JMY: variants seen among roughly 807,000 people sequenced by gnomAD.
JMY encodes junction mediating and regulatory protein, p53 cofactor, also known as junction-mediating and -regulatory protein.
JMY carries 46 observed loss-of-function variants against 103.3 expected under a neutral mutation model. The observed-to-expected ratio is 0.45, with a 90% CI of 0.35 to 0.57. JMY has a LOEUF of 0.57. Among genes scored for constraint, JMY ranks in the 20% least tolerant of loss-of-function variants. JMY has a pLI of 0.00. For missense variants in JMY, 1,238 were observed against 1,255.2 expected (o/e 0.99, Z 0.21); for synonymous variants, 526 against 489.3 (o/e 1.07, Z -0.99).
chr5:79,263,447 G>A (rs1372031011), intron 1 of JMY, among the ~76,000 whole-genome samples: 1 of 151,996 alleles, frequency 6.6e-6, no homozygotes, highest in Non-Finnish European at 1.5e-5. Flanking sequence ...AGGCTAGTGT[G>A]CAGTAGCGTG....
chr5:79,244,216 G>C (rs564340410), intron 1 of JMY, among the ~76,000 whole-genome samples: 1 of 152,078 alleles, frequency 6.6e-6, no homozygotes, highest in Non-Finnish European at 1.5e-5. Flanking sequence ...GGCCAGGCTG[G>C]TCTCGAACTC....
intron 2 of JMY, chr5:79,284,833 T>G: frequency 6.3e-7 from 1 of 1,575,264 alleles, no homozygotes; most frequent in Non-Finnish European, 8.6e-7. Flanking sequence ...ATCATACCAA[T>G]CTTTCTTAGA....
intron 1 of JMY, among the ~76,000 whole-genome samples, chr5:79,275,514 G>T (rs746467871): frequency 6.6e-6 from 1 of 152,072 alleles, no homozygotes; most frequent in Non-Finnish European, 1.5e-5. Flanking sequence ...ATCCACTGGG[G>T]CACACCCTCA....
At chr5:79,261,697 A>G (rs754113943) in intron 1 of JMY, among the ~76,000 whole-genome samples, 2 of 152,196 alleles carry the variant, frequency 1.3e-5, no homozygotes, top group Non-Finnish European at 2.9e-5. Context: ...AATTATCTTC[A>G]GAGAAAGGCG....
At chr5:79,254,629 T>C (rs1433796592) in intron 1 of JMY, among the ~76,000 whole-genome samples, 1 of 152,170 alleles carries the variant, frequency 6.6e-6, no homozygotes, top group Non-Finnish European at 1.5e-5. Context: ...TTGTAGTCTT[T>C]AGTTAAGTCT....
rs1365522166 is a variant in JMY, at chr5:79,236,437, G to T, written c.-214G>T. On this transcript the variant is annotated 5_prime_UTR_variant, in exon 1 of 11. Transcript: ENST00000396137. Reference sequence around the variant, plus strand: ...TGACCATGTGAACTACCTGCTCCCGGGACGCTTATTGTCCTTCTCTCGATC... The same window carrying T: ...TGACCATGTGAACTACCTGCTCCCGTGACGCTTATTGTCCTTCTCTCGATC... 5.1e-6 allele frequency: 2 copies of T among 392,660 alleles called. No individual in the cohort carries two copies. Among genetic ancestry groups the T allele is most frequent in the Non-Finnish European group, 8.9e-6 (2 of 224,096 alleles). The allele number at this position is 392,660 out of a possible 1,614,324, so 24.3% of individuals were successfully genotyped here. A position where few individuals can be genotyped will look rare whatever the true frequency, so the allele number is the denominator to read the frequency against.
intron 2 of JMY, among the ~76,000 whole-genome samples, chr5:79,279,983 A>G (rs1160815534): frequency 5.3e-5 from 8 of 152,144 alleles, no homozygotes; most frequent in Non-Finnish European, 8.8e-5. Context: ...AGCTGGGACT[A>G]TGGGCGCATG....
Position 79,325,962 on chromosome 5 carries a change from C to G in JMY, c.*4360C>G, listed in dbSNP as rs572158815. ...GATGTGTTTATTGTAAAGTTTTCTA[C>G]GTTTTGCCCACAGTAAATGTACAAC... On this transcript the variant is annotated 3_prime_UTR_variant, in exon 11 of 11. Transcript: ENST00000396137. The G allele has an allele frequency of 2.6e-5, 4 of 152,186 alleles. No individual in the cohort carries two copies. The highest frequency in any genetic ancestry group is 5.9e-5 in the Non-Finnish European group (4 of 67,972). 9.4% of individuals were successfully genotyped at this position (152,186 alleles called of 1,614,324 possible).
At chr5:79,318,258 A>G (rs943292306) in intron 10 of JMY, among the ~76,000 whole-genome samples, 4 of 150,444 alleles carry the variant, frequency 2.7e-5, no homozygotes, top group African/African-American at 7.3e-5. Flanking sequence ...CAAATGATCT[A>G]CCCACCTCAG....
At chr5:79,275,290 A>G (rs1294013995) in intron 1 of JMY, among the ~76,000 whole-genome samples, 1 of 151,806 alleles carries the variant, frequency 6.6e-6, no homozygotes, top group Non-Finnish European at 1.5e-5. Flanking sequence ...CCTCCCGAGC[A>G]GCTGGGACTA....
chr5:79,282,220 A>G (rs1368785099), intron 2 of JMY, among the ~76,000 whole-genome samples: 3 of 152,180 alleles, frequency 2.0e-5, no homozygotes, highest in African/African-American at 7.2e-5. Flanking sequence ...AAATAAAAAA[A>G]AAATAAGAAA....
At chr5:79,280,559 A>C (rs1456642247) in intron 2 of JMY, among the ~76,000 whole-genome samples, 4 of 152,132 alleles carry the variant, frequency 2.6e-5, no homozygotes, top group Non-Finnish European at 5.9e-5. Context: ...AATCATGACT[A>C]TTCTTTTATT....
chr5:79,252,028 G>A (rs763511369), intron 1 of JMY, among the ~76,000 whole-genome samples: 2 of 151,682 alleles, frequency 1.3e-5, no homozygotes, highest in African/African-American at 2.4e-5. Context: ...TGCCTGCCTC[G>A]GCCTCTCAAA....
intron 1 of JMY, among the ~76,000 whole-genome samples, chr5:79,241,153 AAGTT>A (rs1164548997): frequency 3.9e-5 from 6 of 152,142 alleles, no homozygotes; most frequent in Admixed American, 3.9e-4. Context: ...AATGGTTAGT[AAGTT>A]GTTGAACTTT....
At position 79,325,599 on chromosome 5, in the gene JMY, G is replaced by C. The variant is rs1426613043; in HGVS notation, c.*3997G>C. ...AAGATTTATTTCAGATGGAAAAGGG[G>C]TGAGAAAGTGGAAGCACCTTACTGT... On this transcript the variant is annotated 3_prime_UTR_variant, in exon 11 of 11. Coordinates refer to ENST00000396137, the MANE Select transcript of JMY (RefSeq NM_152405.5). 7.2e-5 allele frequency: 11 copies of C among 152,142 alleles called. No individual in the cohort carries two copies. Among genetic ancestry groups the C allele is most frequent in the African/African-American group, 2.7e-4 (11 of 41,434 alleles). The allele number at this position is 152,142 out of a possible 1,614,324, so 9.4% of individuals were successfully genotyped here.
In JMY at chr5:79,324,467, C is replaced by T. The variant is rs1747566244; in HGVS notation, c.*2865C>T. On this transcript the variant is annotated 3_prime_UTR_variant, in exon 11 of 11. Transcript: ENST00000396137. ...TTCCAATCTAGTCTCAACTGCAATG[C>T]ATTTAAAATAGGTAAAACAAGTAAA... The T allele has an allele frequency of 6.6e-6, 1 of 152,198 alleles. No homozygotes were observed. Among genetic ancestry groups the T allele is most frequent in the African/African-American group, 2.4e-5 (1 of 41,432 alleles). 9.4% of individuals were successfully genotyped at this position (152,198 alleles called of 1,614,324 possible).
chr5:79,261,871 C>T (rs147738373), intron 1 of JMY, among the ~76,000 whole-genome samples: 4,623 of 152,172 alleles, frequency 0.03, 86 homozygotes, highest in South Asian at 0.061. Flanking sequence ...GTGATCTGCC[C>T]GTCTAGGCCT....
At chr5:79,246,657 C>T (rs1381330237) in intron 1 of JMY, among the ~76,000 whole-genome samples, 5 of 152,026 alleles carry the variant, frequency 3.3e-5, no homozygotes, top group African/African-American at 9.7e-5. Context: ...CCGAGGCAGG[C>T]GGATCATGAG....
chr5:79,319,951 T>TA (rs953366189), intron 10 of JMY, among the ~76,000 whole-genome samples: 4 of 152,194 alleles, frequency 2.6e-5, no homozygotes, highest in Non-Finnish European at 5.9e-5. Flanking sequence ...TGAATATTCA[T>TA]AAAGTAGGTA....
Sources: gnomAD v4.1 joint callset for allele counts (sites outside exome capture counted in the v4.1 genomes callset) on GRCh38, gnomAD v4.1.1 for gene constraint, MANE v1.5 for transcripts, NCBI Gene and HGNC (gene_info 2026-07-23, HGNC 2026-07-21) for gene names.